The following NOTCH2NLC variants were observed in gnomAD, a reference collection of about 807,000 sequenced individuals.
NOTCH2NLC encodes notch 2 N-terminal like C.
Under a neutral mutation model 17.7 loss-of-function variants are expected in NOTCH2NLC, and 4 were observed. That is an observed-to-expected ratio of 0.23 (90% CI 0.11 to 0.52). The LOEUF (loss-of-function observed/expected upper bound fraction) is 0.52, where lower values mean the gene tolerates loss of function less well. Among genes scored for constraint, NOTCH2NLC ranks in the 20% least tolerant of loss-of-function variants. The pLI, the probability that NOTCH2NLC is intolerant of heterozygous loss-of-function variation, is 0.96. For synonymous variants in NOTCH2NLC, 18 were observed against 86.0 expected (o/e 0.21, Z 4.38); for missense variants, 57 against 207.2 (o/e 0.28, Z 4.45).
intron 2 of NOTCH2NLC, among the ~76,000 whole-genome samples, chr1:149,437,178 A>G (rs2084487257): frequency 6.9e-6 from 1 of 144,996 alleles, no homozygotes; most frequent in Admixed American, 6.8e-5. Flanking sequence ...CTGCCAGTGA[A>G]TGGCAGGGCT....
At chr1:149,425,437 T>C (rs1360173110) in intron 1 of NOTCH2NLC, among the ~76,000 whole-genome samples, 1 of 151,332 alleles carries the variant, frequency 6.6e-6, no homozygotes, top group East Asian at 1.9e-4. Flanking sequence ...TGACGATCTG[T>C]TCAGGAAAGA....
rs1415747836 is a variant in NOTCH2NLC at position 149,446,310 on chromosome 1, G to C, written c.210-9008G>C. 6.7e-4 allele frequency among the ~76,000 whole-genome samples: 65 copies of C among 96,760 alleles called. 1 individual carries two copies. The highest frequency in any genetic ancestry group is 2.5e-3 in the African/African-American group (60 of 23,902). The allele number at this position is 96,760 out of a possible 152,430, so 63.5% of individuals were successfully genotyped here. A position where few individuals can be genotyped will look rare whatever the true frequency, so the allele number is the denominator to read the frequency against. On this transcript the variant is annotated intron_variant, in intron 2 of 4. Transcript: ENST00000650865. ...AGTGAGATGTGAGGGTTGGGGTCTG[G>C]TTTTCATCTGCTTAAGTGAGAGGAA...
rs1274882902 is a variant in NOTCH2NLC, at chr1:149,464,830, G to GTTCTTTCAAC, written c.*681_*682insTTCAACTTCT. The stretch of plus-strand genomic sequence containing the variant: ...AGCAGAATTGCCTCCAAAAGAAGTT[G>GTTCTTTCAAC]TTCTAGTTACTCTTTCAGAGTGGGA... On this transcript the variant is annotated 3_prime_UTR_variant, in exon 5 of 5. Coordinates refer to ENST00000650865, the MANE Select transcript of NOTCH2NLC (RefSeq NM_001364013.2). 1 of 151,238 alleles carries GTTCTTTCAAC rather than the reference G, an allele frequency of 6.6e-6. No individual in the cohort carries two copies. Among genetic ancestry groups the GTTCTTTCAAC allele is most frequent in the African/African-American group, 2.4e-5 (1 of 41,130 alleles). The allele number at this position is 151,238 out of a possible 1,614,324, so 9.4% of individuals were successfully genotyped here. A position where few individuals can be genotyped will look rare whatever the true frequency, so the allele number is the denominator to read the frequency against.
At chr1:149,393,674 A>G (rs1389247227) in intron 1 of NOTCH2NLC, among the ~76,000 whole-genome samples, 7 of 145,132 alleles carry the variant, frequency 4.8e-5, no homozygotes, top group Non-Finnish European at 7.5e-5. Context: ...CTTAAACAAA[A>G]TCGGAGTAAT....
At chr1:149,460,907 CTTTCTT>C (rs1570922274) in intron 3 of NOTCH2NLC, among the ~76,000 whole-genome samples, 27 of 118,764 alleles carry the variant, frequency 2.3e-4, no homozygotes, top group South Asian at 1.4e-3. Context: ...TTCTTTCTTT[CTTTCTT>C]TCTCTCTCTT....
intron 1 of NOTCH2NLC, among the ~76,000 whole-genome samples, chr1:149,393,498 T>A (rs2084187711): frequency 6.7e-6 from 1 of 148,686 alleles, no homozygotes; most frequent in Admixed American, 6.8e-5. Flanking sequence ...AATTGTTAAT[T>A]TAAACATCAC....
intron 1 of NOTCH2NLC, among the ~76,000 whole-genome samples, chr1:149,416,583 G>A (rs1317838252): frequency 2.2e-5 from 2 of 92,162 alleles, no homozygotes; most frequent in East Asian, 6.7e-4. Flanking sequence ...TCAAGATAGG[G>A]TATATCATAC....
At chr1:149,420,011 CA>C (rs1435066630) in intron 1 of NOTCH2NLC, among the ~76,000 whole-genome samples, 4 of 144,658 alleles carry the variant, frequency 2.8e-5, no homozygotes, top group Non-Finnish European at 6.2e-5. Flanking sequence ...GGACTACAGG[CA>C]CCCGCCACCA....
At chr1:149,433,330 G>A (rs1342310897) in intron 2 of NOTCH2NLC, among the ~76,000 whole-genome samples, 15 of 141,498 alleles carry the variant, frequency 1.1e-4, no homozygotes, top group African/African-American at 2.6e-4. Context: ...CCTAATGCAC[G>A]TGGGGCTTAA....
chr1:149,410,282 C>T lies in NOTCH2NLC; in HGVS notation c.135+19360C>T, dbSNP rs1192037486. Among the ~76,000 whole-genome samples the T allele has an allele frequency of 2.7e-5, 4 of 148,878 alleles. 1 individual carries two copies. Among genetic ancestry groups the T allele is most frequent in the African/African-American group, 4.9e-5 (2 of 40,416 alleles). ...GAATCTTCTTATTTTTCAAAGGCACCCTTTTGCCCTTGGAAGGTATATTTA... is the reference window on the plus strand; with the variant it reads ...GAATCTTCTTATTTTTCAAAGGCACTCTTTTGCCCTTGGAAGGTATATTTA... On this transcript the variant is annotated intron_variant, in intron 1 of 4. Transcript: ENST00000650865.
intron 1 of NOTCH2NLC, among the ~76,000 whole-genome samples, chr1:149,399,263 G>C (rs1463868851): frequency 6.6e-6 from 1 of 150,776 alleles, no homozygotes; most frequent in Admixed American, 6.6e-5. Context: ...GATTCTGGAA[G>C]TTTTTAAGCC....
chr1:149,460,895 CTT>C lies in NOTCH2NLC; in HGVS notation c.470-2594_470-2593del, dbSNP rs1222434615. Among the ~76,000 whole-genome samples, 38 of 115,616 alleles carry C rather than the reference CTT, an allele frequency of 3.3e-4. 1 individual carries two copies. In the South Asian group the frequency reaches 3.4e-3, roughly 10 times the overall value. 75.8% of individuals were successfully genotyped at this position (115,616 alleles called of 152,430 possible). On this transcript the variant is annotated intron_variant, in intron 3 of 4. Transcript: ENST00000650865. ...TCTTTCTTTCTTTCTTTCTTTCTTT[CTT>C]TCTTTCTTTCTTTCTTTCTCTCTCT...
At position 149,404,113 on chromosome 1, in the gene NOTCH2NLC, AT is replaced by A. The variant is rs1245861447; in HGVS notation, c.135+13195del. Among the ~76,000 whole-genome samples, 2 of 149,274 alleles carry A rather than the reference AT, an allele frequency of 1.3e-5. 1 individual carries two copies. Among genetic ancestry groups the A allele is most frequent in the East Asian group, 4.0e-4 (2 of 5,010 alleles). On this transcript the variant is annotated intron_variant, in intron 1 of 4. Coordinates refer to ENST00000650865, the MANE Select transcript of NOTCH2NLC (RefSeq NM_001364013.2). Reference sequence around the variant, plus strand: ...TGTTATGTTTAGTAAAGATATTGTGATTTTCTGAGGTACAGCTTTGAGAACA... The same window carrying A: ...TGTTATGTTTAGTAAAGATATTGTGATTTCTGAGGTACAGCTTTGAGAACA...
intron 1 of NOTCH2NLC, among the ~76,000 whole-genome samples, chr1:149,421,368 G>A (rs2084378146): frequency 2.7e-5 from 4 of 149,722 alleles, no homozygotes; most frequent in Non-Finnish European, 3.0e-5. Flanking sequence ...ATATGGTGGC[G>A]GGCACCTATA....
intron 1 of NOTCH2NLC, among the ~76,000 whole-genome samples, chr1:149,427,854 C>T (rs1327544426): frequency 2.3e-5 from 1 of 42,690 alleles, no homozygotes. Context: ...GGTGTACAGA[C>T]ATCTTTTCAA....
Position 149,430,803 on chromosome 1 carries a change from T to C in NOTCH2NLC, c.136-139T>C, listed in dbSNP as rs1167006177. The C allele has an allele frequency of 1.9e-5, 8 of 430,106 alleles. 1 individual carries two copies. The highest frequency in any genetic ancestry group is 1.1e-4 in the South Asian group (5 of 44,814). 26.6% of individuals were successfully genotyped at this position (430,106 alleles called of 1,614,324 possible). On this transcript the variant is annotated intron_variant, in intron 1 of 4. Coordinates refer to ENST00000650865, the MANE Select transcript of NOTCH2NLC (RefSeq NM_001364013.2). ...TGCTAGAAGCCAAAACATAAAAAAC[T>C]GATTAAAACTCTAAAAAGAAACCCA... is the stretch of plus-strand genomic sequence containing the variant.
intron 2 of NOTCH2NLC, among the ~76,000 whole-genome samples, chr1:149,443,604 G>C (rs1287464643): frequency 1.3e-5 from 2 of 151,060 alleles, no homozygotes; most frequent in African/African-American, 2.4e-5. Flanking sequence ...TGAAATTTTA[G>C]GGCTTAGCCA....
At chr1:149,437,173 A>G (rs1288048480) in intron 2 of NOTCH2NLC, among the ~76,000 whole-genome samples, 1 of 145,144 alleles carries the variant, frequency 6.9e-6, no homozygotes, top group Non-Finnish European at 1.5e-5. Context: ...AGGGGCTGCC[A>G]GTGAATGGCA....
chr1:149,435,335 A>C (rs1432173490), intron 2 of NOTCH2NLC, among the ~76,000 whole-genome samples: 2 of 135,868 alleles, frequency 1.5e-5, no homozygotes, highest in Non-Finnish European at 3.1e-5. Context: ...TGTGGGTGAT[A>C]GATTTTAAAG....
Sources: gnomAD v4.1 joint callset for allele counts (sites outside exome capture counted in the v4.1 genomes callset) on GRCh38, gnomAD v4.1.1 for gene constraint, MANE v1.5 for transcripts, NCBI Gene and HGNC (gene_info 2026-07-23, HGNC 2026-07-21) for gene names.